The following COL18A1 variants were observed in gnomAD, a reference collection of about 807,000 sequenced individuals.
COL18A1 encodes the protein collagen type XVIII alpha 1 chain.
A neutral mutation model predicts 168.0 loss-of-function variants in COL18A1; 133 were observed. The ratio of observed to expected loss-of-function variants is 0.79; its 90% confidence interval spans 0.69 to 0.91. The LOEUF is 0.91. COL18A1 is among the 40% of genes least tolerant of loss of function. The pLI is 0.00. For synonymous variants in COL18A1, 949 were observed against 809.0 expected, an observed-to-expected ratio of 1.17 and a Z score of -2.94; for missense variants, 2,126 against 1,925.4, an observed-to-expected ratio of 1.10 and a Z score of -1.95.
intron 29 of COL18A1, chr21:45,496,250 C>G (rs1385499311): frequency 2.9e-6 from 2 of 692,560 alleles, no homozygotes; most frequent in Non-Finnish European, 5.3e-6. Context: ...GAGACGCAGA[C>G]CCGGTGGCCT....
At chr21:45,406,890 T>C (rs2033128700) in intron 2 of COL18A1, among the ~76,000 whole-genome samples, 2 of 152,240 alleles carry the variant, frequency 1.3e-5, no homozygotes, top group Admixed American at 1.3e-4. Flanking sequence ...GTAAAGTCAG[T>C]GCAGGCCTCA....
chr21:45,480,181 C>G lies in COL18A1; in HGVS notation c.1398+25C>G, dbSNP rs567969449. ...GGTAAGTCCCGCCCTTGGCTTCCTG[C>G]GACCCGGGGTCTGCCCTCCTCAAAA... is the stretch of plus-strand genomic sequence containing the variant. On this transcript the variant is annotated intron_variant, in intron 11 of 41. Coordinates refer to ENST00000651438, the MANE Select transcript of COL18A1 (RefSeq NM_001379500.1). 15 of 1,377,946 alleles carry G rather than the reference C, an allele frequency of 1.1e-5. No homozygotes were observed. In the East Asian group the frequency reaches 3.6e-4, roughly 33 times the overall value. 85.4% of individuals were successfully genotyped at this position (1,377,946 alleles called of 1,614,324 possible).
chr21:45,469,651 C>T (rs4819121), intron 3 of COL18A1, among the ~76,000 whole-genome samples: 29,009 of 152,228 alleles, frequency 0.19, 3,461 homozygotes, highest in African/African-American at 0.33. Flanking sequence ...GGAACAGCCA[C>T]GTGGGTGACC....
chr21:45,512,829 G>A lies in COL18A1; in HGVS notation c.*431G>A, dbSNP rs368394587. 82 of 290,526 alleles carry A rather than the reference G, an allele frequency of 2.8e-4. No homozygotes were observed. Among genetic ancestry groups the A allele is most frequent in the African/African-American group, 1.6e-3 (73 of 45,462 alleles). The allele number at this position is 290,526 out of a possible 1,614,324, so 18.0% of individuals were successfully genotyped here. ...CCAGACCTGTTAGCAGACAGGCCCCGTGAGGCAATGGGAGCTGAGGCCACA... is the reference window on the plus strand; with the variant it reads ...CCAGACCTGTTAGCAGACAGGCCCCATGAGGCAATGGGAGCTGAGGCCACA... On this transcript the variant is annotated 3_prime_UTR_variant, in exon 42 of 42. Transcript: ENST00000651438.
chr21:45,498,494 T>C lies in COL18A1; in HGVS notation c.2683+833T>C, dbSNP rs2036626223. On this transcript the variant is annotated intron_variant, in intron 32 of 41. Transcript: ENST00000651438. The surrounding 1 kb of genome is among the most constrained non-coding windows in gnomAD (Gnocchi z 4.5). ...CCCCGCTCGCCGCCAGGGTCCCCTC[T>C]CGCTGCCAGGGTCCTCTGCAGAGGA... is the stretch of plus-strand genomic sequence containing the variant. The C allele has an allele frequency of 1.4e-6, 1 of 715,102 alleles. No individual in the cohort carries two copies. The highest frequency in any genetic ancestry group is 2.6e-6 in the Non-Finnish European group (1 of 384,746). 44.3% of individuals were successfully genotyped at this position (715,102 alleles called of 1,614,324 possible).
At chr21:45,442,314 G>A (rs958693372) in intron 2 of COL18A1, among the ~76,000 whole-genome samples, 3 of 152,196 alleles carry the variant, frequency 2.0e-5, no homozygotes, top group Non-Finnish European at 4.4e-5. Context: ...TAACTGCAGA[G>A]CATGATGAAA....
intron 2 of COL18A1, among the ~76,000 whole-genome samples, chr21:45,427,541 C>T (rs2033840128): frequency 6.6e-6 from 1 of 152,236 alleles, no homozygotes; most frequent in Non-Finnish European, 1.5e-5. Flanking sequence ...CGCGGCCACC[C>T]CTGCTCTTGA....
intron 2 of COL18A1, among the ~76,000 whole-genome samples, chr21:45,441,287 G>T (rs2034363901): frequency 6.6e-6 from 1 of 152,134 alleles, no homozygotes; most frequent in Admixed American, 6.5e-5. Flanking sequence ...AGGGTTCATC[G>T]AGGTCTTATT....
At chr21:45,509,255 C>G in intron 38 of COL18A1, 101 bp from the exon 39 acceptor site, 1 of 1,479,664 alleles carries the variant, frequency 6.8e-7, no homozygotes. Flanking sequence ...CTTGCCAGTT[C>G]AGAGCCCAGC....
rs1176151558 is a variant in COL18A1 at position 45,456,901 on chromosome 21, C to G, written c.107-11341C>G. The G allele has an allele frequency of 5.0e-6, 7 of 1,413,294 alleles. No individual in the cohort carries two copies. The South Asian group carries it at 1.1e-4, about 22-fold the overall frequency. The allele number at this position is 1,413,294 out of a possible 1,614,324, so 87.5% of individuals were successfully genotyped here. A position where few individuals can be genotyped will look rare whatever the true frequency, so the allele number is the denominator to read the frequency against. On this transcript the variant is annotated intron_variant, in intron 2 of 41. Coordinates refer to ENST00000651438, the MANE Select transcript of COL18A1 (RefSeq NM_001379500.1). ...CTGCAGGTAACTGGCCGGCCCCGAT[C>G]TCCCCACCCTTTCCTTTTTGCCTTG...
intron 37 of COL18A1, chr21:45,506,342 G>A (rs1249463813): frequency 3.6e-5 from 13 of 357,314 alleles, no homozygotes; most frequent in East Asian, 2.2e-4. Context: ...TCCACAGCAC[G>A]GCCCCGGCTG....
At chr21:45,497,802 C>G in intron 32 of COL18A1, 141 bp downstream of exon 32, 1 of 1,216,978 alleles carries the variant, frequency 8.2e-7, no homozygotes, top group Non-Finnish European at 1.2e-6. Context: ...AGGAAGGAAG[C>G]CCCTTCTGGG....
chr21:45,453,032 T>C (rs1372688242), intron 2 of COL18A1, among the ~76,000 whole-genome samples: 1 of 152,000 alleles, frequency 6.6e-6, no homozygotes, highest in Non-Finnish European at 1.5e-5. Context: ...CGAGTATTCA[T>C]GTGTGACATG....
In COL18A1 at chr21:45,456,795, G is replaced by A. The variant is rs944538705; in HGVS notation, c.107-11447G>A. On this transcript the variant is annotated intron_variant, in intron 2 of 41. Transcript: ENST00000651438. ...GCCCTGCAGGATGCGTGTTGGAGCC[G>A]CCTGGGCGGGGGCCGGCTGCCCGTC... 3 of 1,539,926 alleles carry A rather than the reference G, an allele frequency of 1.9e-6. No homozygotes were observed. The highest frequency in any genetic ancestry group is 1.8e-6 in the Non-Finnish European group (2 of 1,142,836).
chr21:45,441,191 G>A (rs1428841867), intron 2 of COL18A1, among the ~76,000 whole-genome samples: 2 of 152,170 alleles, frequency 1.3e-5, no homozygotes, highest in African/African-American at 4.8e-5. Context: ...GGACACCACA[G>A]CTCCCCTACA....
intron 27 of COL18A1, 22 bp from the exon 28 acceptor site, chr21:45,494,840 C>G: frequency 6.2e-7 from 1 of 1,601,820 alleles, no homozygotes; most frequent in African/African-American, 1.3e-5. Flanking sequence ...CCCCACTAAG[C>G]CTGGCCCCCT....
intron 2 of COL18A1, among the ~76,000 whole-genome samples, chr21:45,429,118 G>A (rs988937329): frequency 2.0e-5 from 3 of 152,026 alleles, no homozygotes; most frequent in Admixed American, 1.3e-4. Flanking sequence ...GGCCAGGATG[G>A]TCTCGATCTT....
At position 45,478,445 on chromosome 21, in the gene COL18A1, G is replaced by A. The variant is rs757441550; in HGVS notation, c.1248+92G>A. The A allele has an allele frequency of 8.1e-5, 126 of 1,546,590 alleles. 2 individuals carry two copies. The Middle Eastern group carries it at 1.9e-3, about 23-fold the overall frequency. ...TGCCAGTGACACTCTTTTTAAACGC[G>A]ACCCAGTGAGGAGACTGTACAGCAA... On this transcript the variant is annotated intron_variant, in intron 9 of 41. Transcript: ENST00000651438.
intron 2 of COL18A1, among the ~76,000 whole-genome samples, chr21:45,442,481 C>T (rs2034395365): frequency 2.0e-5 from 3 of 152,240 alleles, no homozygotes; most frequent in Admixed American, 1.3e-4. Flanking sequence ...TCAGCCTCTG[C>T]CTCCACTTCC....
Sources: gnomAD v4.1 joint callset for allele counts (sites outside exome capture counted in the v4.1 genomes callset) on GRCh38, gnomAD v4.1.1 for gene constraint, Gnocchi (gnomAD v3.1) non-coding constraint, MANE v1.5 for transcripts, NCBI Gene and HGNC (gene_info 2026-07-23, HGNC 2026-07-21) for gene names.